The following PIK3CB variants were observed in gnomAD, a reference collection of about 807,000 sequenced individuals.
The protein encoded by PIK3CB is phosphatidylinositol-4,5-bisphosphate 3-kinase catalytic subunit beta, also known as phosphatidylinositol 4,5-bisphosphate 3-kinase catalytic subunit beta isoform.
Under a neutral mutation model 136.8 loss-of-function variants are expected in PIK3CB, and 39 were observed. The ratio of observed to expected loss-of-function variants is 0.29; its 90% CI spans 0.22 to 0.37. The LOEUF (loss-of-function observed/expected upper bound fraction) is 0.37. PIK3CB is among the 10% of genes least tolerant of loss of function. The probability of loss-of-function intolerance (pLI) is 1.00; values close to 1 mark genes in which losing one functional copy is unlikely to be tolerated. For synonymous variants in PIK3CB, 428 were observed against 436.6 expected (o/e 0.98, Z 0.25); for missense variants, 868 against 1,275.4 (o/e 0.68, Z 4.87).
chr3:138,730,414 G>C (rs1256339427), intron 8 of PIK3CB, among the ~76,000 whole-genome samples: 1 of 152,192 alleles, frequency 6.6e-6, no homozygotes, highest in African/African-American at 2.4e-5. Context: ...AAGGGCTGCA[G>C]AGAAATACCA....
At chr3:138,687,465 C>T (rs1042091202) in intron 16 of PIK3CB, among the ~76,000 whole-genome samples, 1 of 152,128 alleles carries the variant, frequency 6.6e-6, no homozygotes, top group African/African-American at 2.4e-5. Flanking sequence ...TGATGTAATA[C>T]AATCTACTTC....
chr3:138,704,446 C>T lies in PIK3CB; in HGVS notation c.1578G>A (p.Val526=). The T allele has an allele frequency of 6.3e-7, 1 of 1,597,916 alleles. No homozygotes were observed. The highest frequency in any genetic ancestry group is 8.6e-7 in the Non-Finnish European group (1 of 1,165,306). The change falls in exon 12 of 24, where the codon GTG becomes GTA. Residue 526 remains valine, a synonymous_variant. Coordinates refer to ENST00000674063, the MANE Select transcript of PIK3CB (RefSeq NM_006219.3). ...AEIASSDSAN[V]SSRGGKKFLP... is the part of the protein sequence containing the mutation. ...ATTTAAAACTCTTGATACTTACTGA[C>T]ACATTAGCACTATCACTGCTTGCAA...
intron 1 of PIK3CB, among the ~76,000 whole-genome samples, chr3:138,818,604 T>C (rs1031443937): frequency 1.3e-5 from 2 of 152,142 alleles, no homozygotes; most frequent in African/African-American, 4.8e-5. Flanking sequence ...TACCTCTCTT[T>C]TTGGCTCATC....
At chr3:138,777,572 C>T (rs1300008751) in intron 2 of PIK3CB, among the ~76,000 whole-genome samples, 1 of 152,152 alleles carries the variant, frequency 6.6e-6, no homozygotes, top group East Asian at 1.9e-4. Flanking sequence ...CCAAAGACAA[C>T]CTGACTCTGG....
intron 1 of PIK3CB, among the ~76,000 whole-genome samples, chr3:138,805,409 G>A (rs951966117): frequency 4.6e-5 from 7 of 151,646 alleles, no homozygotes; most frequent in Non-Finnish European, 7.4e-5. Context: ...GGTGGCTCAC[G>A]ACTGTAATCC....
chr3:138,775,578 G>A (rs1317778527), intron 2 of PIK3CB, among the ~76,000 whole-genome samples: 1 of 152,154 alleles, frequency 6.6e-6, no homozygotes, highest in Non-Finnish European at 1.5e-5. Context: ...GTGTGGGACT[G>A]CAGTGTCTGG....
intron 19 of PIK3CB, among the ~76,000 whole-genome samples, chr3:138,666,363 G>A (rs939686394): frequency 6.6e-6 from 1 of 152,022 alleles, no homozygotes; most frequent in African/African-American, 2.4e-5. Flanking sequence ...GTTTTTTGTA[G>A]AGATGAGGTC....
At chr3:138,717,371 TATA>T (rs1429036007) in intron 8 of PIK3CB, among the ~76,000 whole-genome samples, 3 of 152,170 alleles carry the variant, frequency 2.0e-5, no homozygotes, top group Non-Finnish European at 4.4e-5. Context: ...TTTTATTTTA[TATA>T]ATGTTACCTT....
At chr3:138,695,206 T>C (rs1209557995) in intron 13 of PIK3CB, among the ~76,000 whole-genome samples, 1 of 152,204 alleles carries the variant, frequency 6.6e-6, no homozygotes, top group African/African-American at 2.4e-5. Flanking sequence ...TCTGATAAAA[T>C]CTTATTCCTT....
intron 2 of PIK3CB, among the ~76,000 whole-genome samples, chr3:138,769,105 A>G (rs899916143): frequency 6.6e-6 from 1 of 152,118 alleles, no homozygotes; most frequent in Non-Finnish European, 1.5e-5. Flanking sequence ...CTAACTTGGA[A>G]GGGATGTGGC....
At chr3:138,684,594 G>A (rs1195700218) in intron 17 of PIK3CB, 31 bp downstream of exon 17, 1 of 1,532,780 alleles carries the variant, frequency 6.5e-7, no homozygotes, top group African/African-American at 1.4e-5. Flanking sequence ...CTATTCATAG[G>A]AGATTCACTG....
At chr3:138,809,274 T>A (rs1258879159) in intron 1 of PIK3CB, among the ~76,000 whole-genome samples, 2 of 144,798 alleles carry the variant, frequency 1.4e-5, no homozygotes, top group Middle Eastern at 3.9e-3. Context: ...TGAGATTCTG[T>A]CTCAAAAAAA....
At chr3:138,711,760 T>C (rs192180113) in intron 10 of PIK3CB, among the ~76,000 whole-genome samples, 2 of 152,106 alleles carry the variant, frequency 1.3e-5, no homozygotes, top group Non-Finnish European at 2.9e-5. Flanking sequence ...AGTTAACTTG[T>C]TACTAGCAAA....
chr3:138,754,485 C>T (rs2045528962), intron 4 of PIK3CB, among the ~76,000 whole-genome samples: 1 of 152,070 alleles, frequency 6.6e-6, no homozygotes, highest in Non-Finnish European at 1.5e-5. Flanking sequence ...AAACAAAACA[C>T]ACCTTTGTAG....
chr3:138,664,272 G>A (rs971102747), intron 20 of PIK3CB, among the ~76,000 whole-genome samples: 11 of 152,110 alleles, frequency 7.2e-5, no homozygotes, highest in African/African-American at 2.7e-4. Flanking sequence ...CGTCCTGGGA[G>A]CTGTGTTTCG....
chr3:138,735,129 T>C (rs1425241886), intron 6 of PIK3CB, among the ~76,000 whole-genome samples: 1 of 151,636 alleles, frequency 6.6e-6, no homozygotes, highest in African/African-American at 2.4e-5. Context: ...TTATATTTTT[T>C]GTAGAGACAG....
At chr3:138,659,481 C>T (rs113980052) in intron 21 of PIK3CB, among the ~76,000 whole-genome samples, 5,333 of 151,584 alleles carry the variant, frequency 0.035, 322 homozygotes, top group African/African-American at 0.12. Context: ...CACGCCACTG[C>T]ACTCCAGCCT....
intron 19 of PIK3CB, among the ~76,000 whole-genome samples, chr3:138,673,627 T>C (rs1482121870): frequency 1.3e-5 from 2 of 152,144 alleles, no homozygotes; most frequent in Admixed American, 6.5e-5. Context: ...TCAACTATTT[T>C]AGAGTTCTGA....
chr3:138,693,949 ATATATATATATATATAT>A (rs71146136), intron 14 of PIK3CB, among the ~76,000 whole-genome samples: 969 of 37,220 alleles, frequency 0.026, 50 homozygotes, highest in East Asian at 0.24. Context: ...ATATATATAT[ATATATATATATATATAT>A]TATATATATA....
Sources: gnomAD v4.1 joint callset for allele counts (sites outside exome capture counted in the v4.1 genomes callset) on GRCh38, gnomAD v4.1.1 for gene constraint, MANE v1.5 for transcripts, NCBI Gene and HGNC (gene_info 2026-07-23, HGNC 2026-07-21) for gene names.